Variants in PANK2 observed in about 807,000 individuals in gnomAD.
PANK2 encodes the protein pantothenate kinase 2, mitochondrial.
Under a neutral mutation model 43.1 loss-of-function variants are expected in PANK2, and 36 were observed. That is an observed-to-expected ratio of 0.84 (90% CI 0.64 to 1.10). PANK2 has a LOEUF of 1.10. PANK2 is among the 50% of genes least tolerant of loss of function. PANK2 has a pLI of 0.00. For synonymous variants in PANK2, 281 were observed against 238.2 expected (o/e 1.18, Z -1.66); for missense variants, 576 against 593.3 (o/e 0.97, Z 0.30).
At chr20:3,910,295 G>GTTTTTTTTTTTTTTTTTT (rs11441747) in intron 2 of PANK2, among the ~76,000 whole-genome samples, 1 of 143,904 alleles carries the variant, frequency 6.9e-6, no homozygotes, top group African/African-American at 2.6e-5. Flanking sequence ...AAATGCTGTG[G>GTTTTTTTTTTTTTTTTTT]TTTTTTTTTT....
At chr20:3,911,294 G>A (rs1383738655) in intron 3 of PANK2, among the ~76,000 whole-genome samples, 1 of 152,130 alleles carries the variant, frequency 6.6e-6, no homozygotes, top group Non-Finnish European at 1.5e-5. Flanking sequence ...AGTATGAAAA[G>A]AGAGGATTAG....
Position 3,924,224 on chromosome 20 carries a change from TTTC to T in PANK2, c.*933_*935del, listed in dbSNP as rs1271462496. ...GGTGCTCTTGGTAGGGGCTGAAGCTTTTCTTTCTGCTTTGCAGAATAATTTCAA... is the reference window on the plus strand; with the variant it reads ...GGTGCTCTTGGTAGGGGCTGAAGCTTTTTCTGCTTTGCAGAATAATTTCAA... On this transcript the variant is annotated 3_prime_UTR_variant, in exon 7 of 7. Transcript: ENST00000610179. The T allele has an allele frequency of 6.6e-6, 1 of 152,260 alleles. No homozygotes were observed. Among genetic ancestry groups the T allele is most frequent in the Non-Finnish European group, 1.5e-5 (1 of 68,068 alleles). 9.4% of individuals were successfully genotyped at this position (152,260 alleles called of 1,614,324 possible). A position where few individuals can be genotyped will look rare whatever the true frequency, so the allele number is the denominator to read the frequency against.
chr20:3,899,550 T>C (rs1327283499), intron 1 of PANK2, among the ~76,000 whole-genome samples: 1 of 151,866 alleles, frequency 6.6e-6, no homozygotes, highest in Non-Finnish European at 1.5e-5. Flanking sequence ...ATTCTCTTTC[T>C]ACCATAATTT....
intron 1 of PANK2, among the ~76,000 whole-genome samples, chr20:3,904,752 T>A (rs1352025853): frequency 6.6e-6 from 1 of 152,186 alleles, no homozygotes; most frequent in Non-Finnish European, 1.5e-5. Context: ...GAGTTATGAT[T>A]TTACCTCTGA....
chr20:3,923,216 C>T, intron 6 of PANK2, 28 bp from the exon 7 acceptor site: 2 of 1,612,658 alleles, frequency 1.2e-6, no homozygotes, highest in Non-Finnish European at 1.7e-6. Context: ...AGGAAAATTG[C>T]ACTTATTTTT....
chr20:3,911,439 C>T (rs527463386), intron 3 of PANK2, among the ~76,000 whole-genome samples: 6 of 150,242 alleles, frequency 4.0e-5, no homozygotes, highest in South Asian at 2.1e-4. Context: ...AAAAATTAGC[C>T]GGGCGCAGTG....
Position 3,926,940 on chromosome 20 carries a change from CAAAA to C in PANK2, c.*3664_*3667del, listed in dbSNP as rs11471571. On this transcript the variant is annotated 3_prime_UTR_variant, in exon 7 of 7. Coordinates refer to ENST00000610179, the MANE Select transcript of PANK2 (RefSeq NM_001386393.1). ...AGCCTGGGTGACAGCAAGACTGTCT[CAAAA>C]AAAAAAAAAAAAAAAAATCCGCTAT... 17 of 108,424 alleles carry C rather than the reference CAAAA, an allele frequency of 1.6e-4. No individual in the cohort carries two copies. Among genetic ancestry groups the C allele is most frequent in the Middle Eastern group, 4.9e-3 (1 of 204 alleles). The allele number at this position is 108,424 out of a possible 1,614,324, so 6.7% of individuals were successfully genotyped here. A position where few individuals can be genotyped will look rare whatever the true frequency, so the allele number is the denominator to read the frequency against.
chr20:3,915,631 C>A (rs1169053059), intron 4 of PANK2, among the ~76,000 whole-genome samples: 5 of 152,140 alleles, frequency 3.3e-5, no homozygotes, highest in Admixed American at 2.0e-4. Flanking sequence ...ATATTTGATC[C>A]ATTTTGAGTA....
chr20:3,901,901 T>G (rs771649873), intron 1 of PANK2, among the ~76,000 whole-genome samples: 1 of 152,054 alleles, frequency 6.6e-6, no homozygotes, highest in Non-Finnish European at 1.5e-5. Flanking sequence ...TCCGTTGTCT[T>G]CTGGCATCTG....
At chr20:3,923,097 C>T (rs2090672190) in intron 6 of PANK2, 147 bp from the exon 7 acceptor site, 2 of 888,466 alleles carry the variant, frequency 2.3e-6, no homozygotes, top group Non-Finnish European at 3.8e-6. Flanking sequence ...TCTCTGCTCC[C>T]AGGCTGGCCT....
chr20:3,920,937 G>A (rs2090636944), intron 6 of PANK2, among the ~76,000 whole-genome samples: 1 of 152,200 alleles, frequency 6.6e-6, no homozygotes, highest in Admixed American at 6.5e-5. Flanking sequence ...ATTGCTCGCT[G>A]ACTTTGTTTT....
intron 3 of PANK2, among the ~76,000 whole-genome samples, 198 bp downstream of exon 3, chr20:3,911,028 A>G (rs930676358): frequency 5.9e-5 from 9 of 152,226 alleles, no homozygotes; most frequent in South Asian, 2.1e-4. Flanking sequence ...TTATTATCCT[A>G]GGTGTTTCTT....
At chr20:3,920,073 C>CT (rs1326953168) in intron 6 of PANK2, among the ~76,000 whole-genome samples, 8 of 152,188 alleles carry the variant, frequency 5.3e-5, no homozygotes, top group Admixed American at 3.3e-4. Context: ...CTGTATACAT[C>CT]TTTTTTTGTG....
chr20:3,904,849 T>C (rs2090360344), intron 1 of PANK2, among the ~76,000 whole-genome samples: 1 of 152,206 alleles, frequency 6.6e-6, no homozygotes, highest in African/African-American at 2.4e-5. Flanking sequence ...CCTTGTAGTT[T>C]TTCTAGTTTG....
At chr20:3,902,291 C>T (rs1336553946) in intron 1 of PANK2, among the ~76,000 whole-genome samples, 1 of 151,550 alleles carries the variant, frequency 6.6e-6, no homozygotes, top group Non-Finnish European at 1.5e-5. Flanking sequence ...TTCAGCCTCT[C>T]AAGTAGCTGT....
rs1436805595 is a variant in PANK2, at chr20:3,927,683, TC to T, written c.*4391del. 1 of 152,202 alleles carries T rather than the reference TC, an allele frequency of 6.6e-6. No individual in the cohort carries two copies. Among genetic ancestry groups the T allele is most frequent in the Non-Finnish European group, 1.5e-5 (1 of 68,046 alleles). The allele number at this position is 152,202 out of a possible 1,614,324, so 9.4% of individuals were successfully genotyped here. ...AGACCAGCTGTCACCAGAAGGGAGT[TC>T]CTAACACTTGCCACACCTGCTCCCC... On this transcript the variant is annotated 3_prime_UTR_variant, in exon 7 of 7. Coordinates refer to ENST00000610179, the MANE Select transcript of PANK2 (RefSeq NM_001386393.1).
chr20:3,894,296 A>C (rs989085279), intron 1 of PANK2, among the ~76,000 whole-genome samples: 2 of 151,578 alleles, frequency 1.3e-5, no homozygotes, highest in African/African-American at 2.4e-5. Flanking sequence ...GCTGGAGTGC[A>C]ATGGCGTGAT....
In PANK2 at chr20:3,889,752, C is replaced by A. The variant is rs201038465; in HGVS notation, c.298+24C>A. On this transcript the variant is annotated intron_variant, in intron 1 of 6. Transcript: ENST00000610179. ...GCGTAAGTGTTCCGTGGGGCGCCCT[C>A]CCGGCCCGCCCTGCCCCCCCTTCCG... 23,505 of 1,550,452 alleles carry A rather than the reference C, an allele frequency of 0.015. 215 individuals carry two copies. The highest frequency in any genetic ancestry group is 0.018 in the Non-Finnish European group (20,877 of 1,145,376).
intron 1 of PANK2, among the ~76,000 whole-genome samples, chr20:3,896,042 C>T (rs1460770697): frequency 6.6e-6 from 1 of 151,434 alleles, no homozygotes; most frequent in Non-Finnish European, 1.5e-5. Flanking sequence ...ATTGAGCACA[C>T]TTTTAAAAGT....
Sources: allele counts gnomAD v4.1 joint callset (sites outside exome capture counted in the v4.1 genomes callset), GRCh38; gene constraint gnomAD v4.1.1; transcripts MANE v1.5; gene names NCBI Gene and HGNC (gene_info 2026-07-23, HGNC 2026-07-21).